PLEKHG1: variants seen among roughly 807,000 people sequenced by gnomAD.
PLEKHG1 encodes the protein pleckstrin homology and RhoGEF domain containing G1, also known as pleckstrin homology domain-containing family G member 1.
A neutral mutation model predicts 100.8 loss-of-function variants in PLEKHG1; 44 were observed. The ratio of observed to expected loss-of-function variants is 0.44; its 90% CI spans 0.34 to 0.56. The LOEUF (loss-of-function observed/expected upper bound fraction) is 0.56. Among genes scored for constraint, PLEKHG1 ranks in the 20% least tolerant of loss-of-function variants. The pLI, the probability that PLEKHG1 is intolerant of heterozygous loss-of-function variation, is 0.01. For missense variants in PLEKHG1, 1,545 were observed against 1,720.9 expected, an observed-to-expected ratio of 0.90 and a Z score of 1.81; for synonymous variants, 640 against 662.5, an observed-to-expected ratio of 0.97 and a Z score of 0.52.
At chr6:150,718,942 C>T (rs1781548704), upstream of PLEKHG1, among the ~76,000 whole-genome samples, 1 of 151,598 alleles carries the variant, frequency 6.6e-6, no homozygotes, top group African/African-American at 2.4e-5. Context: ...TCTGAAAAAG[C>T]TTAATATTTA....
intron 3 of PLEKHG1, among the ~76,000 whole-genome samples, chr6:150,709,007 T>C (rs1414884850): frequency 3.3e-5 from 5 of 152,190 alleles, no homozygotes; most frequent in Non-Finnish European, 7.3e-5. Flanking sequence ...CTATTGATAA[T>C]AGTTAAGACA....
At chr6:150,603,002 A>AC (rs1460635430) in intron 1 of PLEKHG1, among the ~76,000 whole-genome samples, 3 of 135,902 alleles carry the variant, frequency 2.2e-5, no homozygotes, top group Non-Finnish European at 3.1e-5. Context: ...AATGGCGTGA[A>AC]CCCCGGGGGG....
intron 1 of PLEKHG1, among the ~76,000 whole-genome samples, chr6:150,606,275 A>G (rs1015339364): frequency 1.2e-4 from 18 of 152,168 alleles, no homozygotes; most frequent in Non-Finnish European, 2.5e-4. Flanking sequence ...GATGTGTGAA[A>G]CCTTAATGCA....
chr6:150,664,044 A>G (rs576727667), intron 3 of PLEKHG1: 2 of 152,188 alleles, frequency 1.3e-5, no homozygotes, highest in South Asian at 4.2e-4. Flanking sequence ...AGCCTCTAAG[A>G]CTCATTGGTT....
chr6:150,665,043 G>A (rs1474886384), intron 3 of PLEKHG1, among the ~76,000 whole-genome samples: 1 of 152,172 alleles, frequency 6.6e-6, no homozygotes, highest in Non-Finnish European at 1.5e-5. Flanking sequence ...GCAACCGGGA[G>A]AACAGGCTCC....
At chr6:150,751,678 G>A (rs993460377) in intron 2 of PLEKHG1, among the ~76,000 whole-genome samples, 1 of 152,144 alleles carries the variant, frequency 6.6e-6, no homozygotes, top group Non-Finnish European at 1.5e-5. Flanking sequence ...GCAAATGGAC[G>A]GGGGTAGGAG....
intron 3 of PLEKHG1, among the ~76,000 whole-genome samples, chr6:150,707,073 C>T (rs552740708): frequency 3.0e-4 from 41 of 137,102 alleles, no homozygotes; most frequent in Admixed American, 7.4e-4. Flanking sequence ...GGCACAATCT[C>T]GGCTACCTGC....
chr6:150,605,603 T>A (rs1261134610), intron 1 of PLEKHG1: 1 of 152,170 alleles, frequency 6.6e-6, no homozygotes, highest in African/African-American at 2.4e-5. Flanking sequence ...ATGTGATCGG[T>A]AAGGTGGTGG....
rs559476456 is a variant in PLEKHG1, at chr6:150,711,142, G to C, written c.-98-22442G>C. The stretch of plus-strand genomic sequence containing the variant: ...GTTTTTTAATAGTAAGTTGGCATGA[G>C]GACTTAAAATTCTGAAGCCACTTTG... On this transcript the variant is annotated intron_variant, in intron 3 of 3. Coordinates refer to the PLEKHG1 transcript ENST00000367326. Among the ~76,000 whole-genome samples, 18 of 152,230 alleles carry C rather than the reference G, an allele frequency of 1.2e-4. No homozygotes were observed. In the South Asian group the frequency reaches 3.5e-3, roughly 30 times the overall value.
chr6:150,774,087 T>C (rs1224739492), intron 3 of PLEKHG1, among the ~76,000 whole-genome samples: 1 of 152,198 alleles, frequency 6.6e-6, no homozygotes, highest in Non-Finnish European at 1.5e-5. Context: ...GTTCTAAGAG[T>C]GGTTCATAGA....
rs1192223943 is a variant in PLEKHG1, at chr6:150,810,468, AAAAGAAAGAAAGAAAG to A, written c.1278+737_1278+752del. Reference sequence around the variant, plus strand: ...GAGACAGCAAGACCCTGTCTCAAAAAAAAGAAAGAAAGAAAGAAGGAAGGAAGGAGGGAAAGAAAGA... The same window carrying A: ...GAGACAGCAAGACCCTGTCTCAAAAAAAGGAAGGAAGGAGGGAAAGAAAGA... On this transcript the variant is annotated intron_variant, in intron 10 of 15. Coordinates refer to ENST00000358517, the Ensembl canonical transcript of PLEKHG1. Among the ~76,000 whole-genome samples, 125 of 133,020 alleles carry A rather than the reference AAAAGAAAGAAAGAAAG, an allele frequency of 9.4e-4. 1 individual carries two copies. The Middle Eastern group carries it at 0.012, about 13-fold the overall frequency. 87.3% of individuals were successfully genotyped at this position (133,020 alleles called of 152,430 possible). A position where few individuals can be genotyped will look rare whatever the true frequency, so the allele number is the denominator to read the frequency against.
At chr6:150,696,338 C>T (rs564330012) in intron 3 of PLEKHG1, among the ~76,000 whole-genome samples, 1 of 152,170 alleles carries the variant, frequency 6.6e-6, no homozygotes, top group Non-Finnish European at 1.5e-5. Flanking sequence ...CTCCCTGAAG[C>T]CCAAAGCCAC....
At chr6:150,746,353 C>T (rs903213634) in intron 2 of PLEKHG1, among the ~76,000 whole-genome samples, 1 of 152,168 alleles carries the variant, frequency 6.6e-6, no homozygotes, top group Non-Finnish European at 1.5e-5. Context: ...TGTACCTATT[C>T]TTTGGAGTAT....
chr6:150,818,430 C>A (rs1395113719), intron 11 of PLEKHG1, among the ~76,000 whole-genome samples: 1 of 152,216 alleles, frequency 6.6e-6, no homozygotes, highest in African/African-American at 2.4e-5. Flanking sequence ...CCCTTGATGG[C>A]TGGCCACTGT....
chr6:150,625,853 G>A (rs1056222921), intron 1 of PLEKHG1: 6 of 152,118 alleles, frequency 3.9e-5, no homozygotes, highest in African/African-American at 1.4e-4. Context: ...TTTACCAGGG[G>A]CTAGGACTTC....
intron 3 of PLEKHG1, among the ~76,000 whole-genome samples, chr6:150,655,552 C>T (rs548221393): frequency 4.0e-5 from 6 of 151,876 alleles, no homozygotes; most frequent in East Asian, 3.9e-4. Context: ...ACTAAAAATA[C>T]GAAAGATTAG....
chr6:150,665,919 G>A (rs1779379464), intron 3 of PLEKHG1, among the ~76,000 whole-genome samples: 1 of 152,136 alleles, frequency 6.6e-6, no homozygotes, highest in African/African-American at 2.4e-5. Flanking sequence ...AATCCATAAT[G>A]TATAAACTTG....
chr6:150,820,167 C>G (rs1776216902), intron 12 of PLEKHG1, among the ~76,000 whole-genome samples: 1 of 151,856 alleles, frequency 6.6e-6, no homozygotes, highest in South Asian at 2.1e-4. Flanking sequence ...CAAGATCGTG[C>G]CACTGCACTC....
At chr6:150,840,840 A>G in exon 16 of PLEKHG1, 1 of 1,614,130 alleles carries the variant, frequency 6.2e-7, no homozygotes, top group South Asian at 1.1e-5. Context: ...TCAACAAAAT[A>G]TTGTCCAGTC....
Sources: gnomAD v4.1 joint callset for allele counts (sites outside exome capture counted in the v4.1 genomes callset) on GRCh38, gnomAD v4.1.1 for gene constraint, MANE v1.5 for transcripts, NCBI Gene and HGNC (gene_info 2026-07-23, HGNC 2026-07-21) for gene names.